PPFIBP1: variants seen among roughly 807,000 people sequenced by gnomAD.
PPFIBP1 encodes PPFIB scaffold protein 1.
PPFIBP1 carries 112 observed loss-of-function variants against 137.8 expected under a neutral mutation model. That is an observed-to-expected ratio of 0.81 (90% CI 0.70 to 0.95). PPFIBP1 has a LOEUF of 0.95. Ranked by LOEUF, PPFIBP1 falls within the 40% of genes least tolerant of loss-of-function variation. The pLI, the probability that PPFIBP1 is intolerant of heterozygous loss-of-function variation, is 0.00. For missense variants in PPFIBP1, 1,083 were observed against 1,196.6 expected (o/e 0.91, Z 1.40); for synonymous variants, 378 against 417.3 (o/e 0.91, Z 1.15).
chr12:27,617,509 T>C (rs2055889418), intron 2 of PPFIBP1, among the ~76,000 whole-genome samples: 1 of 152,196 alleles, frequency 6.6e-6, no homozygotes, highest in African/African-American at 2.4e-5. Flanking sequence ...TTGGTATCCA[T>C]GGAGGATTGG....
At chr12:27,650,166 T>TCC in intron 7 of PPFIBP1, 25 bp downstream of exon 7, 2 of 770,306 alleles carry the variant, frequency 2.6e-6, no homozygotes, top group Non-Finnish European at 3.6e-6. Flanking sequence ...CTCTCCTCCC[T>TCC]CTCTCTCTCT....
chr12:27,581,992 G>A (rs1402505083), intron 2 of PPFIBP1, among the ~76,000 whole-genome samples: 1 of 151,948 alleles, frequency 6.6e-6, no homozygotes, highest in African/African-American at 2.4e-5. Flanking sequence ...GTATGTGTGT[G>A]TGTGTGTATG....
At chr12:27,550,717 G>A (rs748035080) in intron 1 of PPFIBP1, among the ~76,000 whole-genome samples, 35 of 151,998 alleles carry the variant, frequency 2.3e-4, no homozygotes, top group Non-Finnish European at 4.9e-4. Context: ...TAAAATTAAC[G>A]AAATGTGGTA....
At chr12:27,668,415 G>A (rs1378323093) in intron 13 of PPFIBP1, among the ~76,000 whole-genome samples, 1 of 152,206 alleles carries the variant, frequency 6.6e-6, no homozygotes, top group Non-Finnish European at 1.5e-5. Context: ...AGGCTCACAG[G>A]TGTCACCAGT....
chr12:27,529,694 A>AAAT (rs1359069558), intron 1 of PPFIBP1, among the ~76,000 whole-genome samples: 4 of 152,190 alleles, frequency 2.6e-5, no homozygotes, highest in Non-Finnish European at 4.4e-5. Flanking sequence ...ACTCTGTCTA[A>AAAT]AATAATAATA....
At chr12:27,628,607 G>A (rs1333868000) in intron 2 of PPFIBP1, among the ~76,000 whole-genome samples, 1 of 152,142 alleles carries the variant, frequency 6.6e-6, no homozygotes, top group Non-Finnish European at 1.5e-5. Flanking sequence ...TTTTATTTTG[G>A]ACCATAGGTT....
At chr12:27,525,362 A>T (rs568544853) in intron 1 of PPFIBP1, among the ~76,000 whole-genome samples, 1 of 152,150 alleles carries the variant, frequency 6.6e-6, no homozygotes, top group South Asian at 2.1e-4. Context: ...TTCCTATTTC[A>T]AACCCTGTCT....
chr12:27,616,981 A>C (rs932499816), intron 2 of PPFIBP1, among the ~76,000 whole-genome samples: 1 of 152,264 alleles, frequency 6.6e-6, no homozygotes, highest in Non-Finnish European at 1.5e-5. Context: ...AAGATTAGAC[A>C]GCAGGCATTT....
intron 1 of PPFIBP1, chr12:27,549,417 T>C (rs1946542018): frequency 6.6e-6 from 1 of 152,142 alleles, no homozygotes; most frequent in South Asian, 2.1e-4. Context: ...TTTTCTACAG[T>C]CCGGATGAGG....
chr12:27,536,410 C>T (rs1281407318), intron 1 of PPFIBP1, among the ~76,000 whole-genome samples: 2 of 152,128 alleles, frequency 1.3e-5, no homozygotes, highest in Admixed American at 6.5e-5. Context: ...TGGCGAGGCC[C>T]CCAGGAAGCT....
intron 1 of PPFIBP1, among the ~76,000 whole-genome samples, chr12:27,528,396 G>A (rs980995555): frequency 6.6e-6 from 1 of 152,152 alleles, no homozygotes; most frequent in Non-Finnish European, 1.5e-5. Context: ...TGCATCAGTA[G>A]TGTGTTATGT....
chr12:27,652,109 A>G (rs1403655267), intron 7 of PPFIBP1, among the ~76,000 whole-genome samples: 3 of 152,178 alleles, frequency 2.0e-5, no homozygotes, highest in Admixed American at 6.5e-5. Flanking sequence ...GAATATTCTC[A>G]TGTTCTTGTT....
intron 2 of PPFIBP1, among the ~76,000 whole-genome samples, chr12:27,586,143 T>C (rs1398823238): frequency 6.6e-6 from 1 of 152,122 alleles, no homozygotes; most frequent in East Asian, 1.9e-4. Flanking sequence ...AGTGTTGCAG[T>C]TTGTAGATGA....
chr12:27,662,689 C>T (rs1218824999), intron 11 of PPFIBP1, among the ~76,000 whole-genome samples: 2 of 152,110 alleles, frequency 1.3e-5, no homozygotes, highest in African/African-American at 4.8e-5. Context: ...GACTCAAGTA[C>T]TGAAGGGAAA....
At chr12:27,664,513 G>A (rs760361462) in intron 12 of PPFIBP1, 67 bp downstream of exon 12, 116 of 1,113,798 alleles carry the variant, frequency 1.0e-4, no homozygotes, top group African/African-American at 1.3e-4. Context: ...TTACACATTT[G>A]GCCTCAATTT....
intron 2 of PPFIBP1, among the ~76,000 whole-genome samples, chr12:27,607,661 G>A (rs1333735263): frequency 1.3e-5 from 2 of 152,146 alleles, no homozygotes; most frequent in African/African-American, 4.8e-5. Flanking sequence ...GAGACCCACT[G>A]CTCTTAATGA....
intron 11 of PPFIBP1, 92 bp downstream of exon 11, chr12:27,661,037 G>A (rs1412794320): frequency 2.5e-5 from 38 of 1,522,036 alleles, no homozygotes; most frequent in Admixed American, 2.3e-4. Flanking sequence ...CATTTTAAAA[G>A]AACATGCCCA....
At chr12:27,569,368 C>A (rs1289833893) in intron 1 of PPFIBP1, among the ~76,000 whole-genome samples, 1 of 152,140 alleles carries the variant, frequency 6.6e-6, no homozygotes, top group East Asian at 1.9e-4. Context: ...TTTCATACAA[C>A]ACAAATAGTT....
rs1205345942 is a variant in PPFIBP1, at chr12:27,541,239, G to A, written c.-124+16874G>A. Among the ~76,000 whole-genome samples, 13 of 150,822 alleles carry A rather than the reference G, an allele frequency of 8.6e-5. No homozygotes were observed. The Admixed American group carries it at 8.6e-4, about 10-fold the overall frequency. On this transcript the variant is annotated intron_variant, in intron 1 of 29. Coordinates refer to ENST00000228425, the MANE Select transcript of PPFIBP1 (RefSeq NM_003622.4). ...CTATGTATCATGGGAAAACTTGCACGTGTGTGTGTGTGTGAGAGAGAGAGA... is the reference window on the plus strand; with the variant it reads ...CTATGTATCATGGGAAAACTTGCACATGTGTGTGTGTGTGAGAGAGAGAGA...
Sources: allele counts gnomAD v4.1 joint callset (sites outside exome capture counted in the v4.1 genomes callset), GRCh38; gene constraint gnomAD v4.1.1; transcripts MANE v1.5; gene names NCBI Gene and HGNC (gene_info 2026-07-23, HGNC 2026-07-21).